The following PCMTD1 variants were observed in gnomAD, a reference collection of about 807,000 sequenced individuals.
The protein encoded by PCMTD1 is protein-L-isoaspartate (D-aspartate) O-methyltransferase domain containing 1, also known as protein-L-isoaspartate O-methyltransferase domain-containing protein 1.
A neutral mutation model predicts 37.6 loss-of-function variants in PCMTD1; 12 were observed. The observed-to-expected ratio is 0.32, with a 90% CI of 0.20 to 0.52. The LOEUF is 0.52. Ranked by LOEUF, PCMTD1 falls within the 20% of genes least tolerant of loss-of-function variation. The pLI is 0.97. For synonymous variants in PCMTD1, 117 were observed against 135.8 expected (o/e 0.86, Z 0.96); for missense variants, 235 against 421.3 (o/e 0.56, Z 3.87).
intron 3 of PCMTD1, chr8:51,839,574 T>C (rs1240526118): frequency 2.0e-6 from 2 of 985,262 alleles, no homozygotes; most frequent in Non-Finnish European, 2.4e-6. Context: ...TGCTAGGAGA[T>C]CAGGGTGACC....
intron 2 of PCMTD1, among the ~76,000 whole-genome samples, chr8:51,852,626 T>C (rs1233554416): frequency 6.6e-6 from 1 of 152,124 alleles, no homozygotes; most frequent in Non-Finnish European, 1.5e-5. Flanking sequence ...TATAAAGTTA[T>C]CGTCAAAGTG....
chr8:51,828,540 C>T lies in PCMTD1; in HGVS notation c.706+2904G>A, dbSNP rs146233759. Among the ~76,000 whole-genome samples the T allele has an allele frequency of 2.9e-3, 440 of 152,260 alleles. 1 individual carries two copies. The highest frequency in any genetic ancestry group is 4.9e-3 in the Non-Finnish European group (333 of 68,012). On this transcript the variant is annotated intron_variant, in intron 5 of 5. Coordinates refer to ENST00000522514, the MANE Select transcript of PCMTD1 (RefSeq NM_052937.4). Reference sequence around the variant, plus strand: ...TCAAGCTGAGGAGCTCCTTATGTCTCATGATGGGGTTCTGGTTTCTACTAA... The same window carrying T: ...TCAAGCTGAGGAGCTCCTTATGTCTTATGATGGGGTTCTGGTTTCTACTAA...
chr8:51,864,175 A>G (rs1049628516), intron 1 of PCMTD1, among the ~76,000 whole-genome samples: 5 of 152,198 alleles, frequency 3.3e-5, no homozygotes, highest in East Asian at 1.9e-4. Flanking sequence ...AGAAGCAAAG[A>G]AGGCCATTAT....
chr8:51,883,100 G>C (rs2038815472), intron 1 of PCMTD1, among the ~76,000 whole-genome samples: 1 of 151,932 alleles, frequency 6.6e-6, no homozygotes, highest in African/African-American at 2.4e-5. Flanking sequence ...TCGCGCCACT[G>C]GACTCCAGCC....
At chr8:51,836,852 G>A (rs1475315792) in intron 3 of PCMTD1, among the ~76,000 whole-genome samples, 1 of 152,130 alleles carries the variant, frequency 6.6e-6, no homozygotes, top group Non-Finnish European at 1.5e-5. Flanking sequence ...GGGATTCCAG[G>A]CATGAGCCAC....
chr8:51,829,108 G>T (rs1391932797), intron 5 of PCMTD1, among the ~76,000 whole-genome samples: 1 of 152,158 alleles, frequency 6.6e-6, no homozygotes, highest in African/African-American at 2.4e-5. Flanking sequence ...AAATTTTTTA[G>T]AACTGACTGC....
intron 3 of PCMTD1, among the ~76,000 whole-genome samples, chr8:51,840,473 A>G (rs971432667): frequency 4.6e-5 from 7 of 152,124 alleles, no homozygotes; most frequent in East Asian, 1.9e-4. Context: ...TATATTTACA[A>G]TCTCTAACAA....
intron 3 of PCMTD1, among the ~76,000 whole-genome samples, chr8:51,840,607 A>G (rs2038134144): frequency 6.6e-6 from 1 of 152,160 alleles, no homozygotes. Context: ...AAATAAGTGT[A>G]ATTCTCATAA....
intron 5 of PCMTD1, among the ~76,000 whole-genome samples, chr8:51,827,992 A>T (rs1179307248): frequency 1.3e-5 from 2 of 149,708 alleles, no homozygotes; most frequent in Admixed American, 6.7e-5. Flanking sequence ...ATTATCTGTC[A>T]TTAATGAATT....
At chr8:51,860,708 A>G (rs1399180432) in intron 2 of PCMTD1, 137 bp downstream of exon 2, 1 of 729,388 alleles carries the variant, frequency 1.4e-6, no homozygotes, top group East Asian at 2.7e-5. Flanking sequence ...GTGTTTTCAC[A>G]TCTAAGTAAG....
intron 1 of PCMTD1, among the ~76,000 whole-genome samples, chr8:51,888,862 G>C (rs930711117): frequency 6.6e-6 from 1 of 152,174 alleles, no homozygotes; most frequent in Admixed American, 6.5e-5. Flanking sequence ...TCATTATGAG[G>C]AACAGTATGA....
At position 51,818,026 on chromosome 8, in the gene PCMTD1, T is replaced by C. The variant is rs902386923; in HGVS notation, c.*2325A>G. 2.9e-5 allele frequency: 13 copies of C among 442,896 alleles called. No individual in the cohort carries two copies. Among genetic ancestry groups the C allele is most frequent in the Non-Finnish European group, 5.9e-5 (13 of 219,664 alleles). 27.4% of individuals were successfully genotyped at this position (442,896 alleles called of 1,614,324 possible). ...ATCATTTTCACTTACTTTTACTTAA[T>C]CTTTATTTGCTACTTTTCCACCTAT... On this transcript the variant is annotated 3_prime_UTR_variant, in exon 6 of 6. Coordinates refer to ENST00000522514, the MANE Select transcript of PCMTD1 (RefSeq NM_052937.4).
intron 3 of PCMTD1, among the ~76,000 whole-genome samples, chr8:51,838,075 C>T (rs13267912): frequency 0.061 from 9,345 of 152,270 alleles, 378 homozygotes; most frequent in Non-Finnish European, 0.087. Flanking sequence ...GCGTGAGCCA[C>T]CACACCCGGC....
chr8:51,823,935 T>A (rs1210628782), intron 5 of PCMTD1, among the ~76,000 whole-genome samples: 1 of 152,054 alleles, frequency 6.6e-6, no homozygotes, highest in Non-Finnish European at 1.5e-5. Flanking sequence ...ATAGAACCAA[T>A]GACAAAAAAC....
At chr8:51,846,394 G>C (rs892202918) in intron 2 of PCMTD1, among the ~76,000 whole-genome samples, 2 of 152,004 alleles carry the variant, frequency 1.3e-5, no homozygotes, top group African/African-American at 4.8e-5. Flanking sequence ...GAATAGAGGA[G>C]AGTTTTCCCA....
At chr8:51,879,722 G>A (rs139597071) in intron 1 of PCMTD1, among the ~76,000 whole-genome samples, 2 of 151,996 alleles carry the variant, frequency 1.3e-5, no homozygotes, top group East Asian at 1.9e-4. Context: ...AAAAGCCACA[G>A]GCAAAACGTA....
In PCMTD1 at chr8:51,820,144, T is replaced by C; in HGVS notation, c.*207A>G. The C allele has an allele frequency of 2.4e-6, 1 of 410,540 alleles. No homozygotes were observed. Among genetic ancestry groups the C allele is most frequent in the Non-Finnish European group, 4.1e-6 (1 of 243,074 alleles). 25.4% of individuals were successfully genotyped at this position (410,540 alleles called of 1,614,324 possible). On this transcript the variant is annotated 3_prime_UTR_variant, in exon 6 of 6. Coordinates refer to ENST00000522514, the MANE Select transcript of PCMTD1 (RefSeq NM_052937.4). ...TCACTCTGAGCTAAAACAACATTTT[T>C]CCAAGATTTAAAGAAAAATAGATTT...
intron 3 of PCMTD1, among the ~76,000 whole-genome samples, chr8:51,837,513 G>GT (rs1384960871): frequency 6.6e-6 from 1 of 152,018 alleles, no homozygotes; most frequent in Non-Finnish European, 1.5e-5. Flanking sequence ...AAAGAAAACT[G>GT]TAACACTACC....
rs147689425 is a variant in PCMTD1, at chr8:51,895,732, T to A, written c.-96+3198A>T. Among the ~76,000 whole-genome samples the A allele has an allele frequency of 7.8e-3, 1,187 of 152,282 alleles. 18 individuals carry two copies. The highest frequency in any genetic ancestry group is 0.027 in the African/African-American group (1,129 of 41,544). On this transcript the variant is annotated intron_variant, in intron 1 of 5. Transcript: ENST00000522514. ...GGGGCTGAAATATTTCTGTGTCACC[T>A]AATTATAAAACCCACTCACATCCAA...
Sources: gnomAD v4.1 joint callset for allele counts (sites outside exome capture counted in the v4.1 genomes callset) on GRCh38, gnomAD v4.1.1 for gene constraint, MANE v1.5 for transcripts, NCBI Gene and HGNC (gene_info 2026-07-23, HGNC 2026-07-21) for gene names.